HCK: variants seen among roughly 807,000 people sequenced by gnomAD.
HCK encodes the protein tyrosine-protein kinase HCK.
Under a neutral mutation model 70.4 loss-of-function variants are expected in HCK, and 40 were observed. That is an observed-to-expected ratio of 0.57 (90% CI 0.44 to 0.74). The LOEUF (loss-of-function observed/expected upper bound fraction) is 0.74, where lower values mean the gene tolerates loss of function less well. Among genes scored for constraint, HCK ranks in the 30% least tolerant of loss-of-function variants. HCK has a pLI of 0.00. For synonymous variants in HCK, 245 were observed against 263.2 expected (o/e 0.93, Z 0.67); for missense variants, 568 against 697.2 (o/e 0.81, Z 2.09).
rs560330929 is a variant in HCK, at chr20:32,052,508, C to T, written c.62+22C>T. On this transcript the variant is annotated intron_variant, in intron 1 of 12. Coordinates refer to ENST00000375852, the MANE Select transcript of HCK (RefSeq NM_002110.5). ...CCAGGTGAGTGCCGCGCACAGGGGA[C>T]CGGGAATACCCGGCCCGCGAGGGGT... The T allele has an allele frequency of 7.3e-3, 9,166 of 1,259,702 alleles. 50 individuals carry two copies. The highest frequency in any genetic ancestry group is 8.8e-3 in the Non-Finnish European group (8,742 of 993,292). The allele number at this position is 1,259,702 out of a possible 1,614,324, so 78.0% of individuals were successfully genotyped here.
intron 2 of HCK, among the ~76,000 whole-genome samples, 164 bp from the exon 3 acceptor site, chr20:32,073,155 A>G (rs1439975033): frequency 6.6e-6 from 1 of 152,200 alleles, no homozygotes; most frequent in Non-Finnish European, 1.5e-5. Flanking sequence ...TCTGCCCCTA[A>G]TGTGCCGTGT....
intron 1 of HCK, among the ~76,000 whole-genome samples, chr20:32,059,335 C>T (rs2122469115): frequency 7.0e-6 from 1 of 143,470 alleles, no homozygotes; most frequent in South Asian, 2.2e-4. Context: ...TCTTCTTTCC[C>T]TTCTTTCCTT....
chr20:32,083,815 T>C lies in HCK; in HGVS notation c.533-79T>C. ...GTCAGGACGGTGCCAGCGGTAGCCT[T>C]ACAGGGTGTCAGAGTGCTAATGCAA... is the stretch of plus-strand genomic sequence containing the variant. On this transcript the variant is annotated intron_variant, in intron 6 of 12. Coordinates refer to ENST00000375852, the MANE Select transcript of HCK (RefSeq NM_002110.5). 1.9e-6 allele frequency: 3 copies of C among 1,543,720 alleles called. No homozygotes were observed. The Admixed American group carries it at 5.0e-5, about 26-fold the overall frequency.
chr20:32,071,929 TC>T (rs2045546646), intron 2 of HCK, 147 bp downstream of exon 2: 2 of 951,782 alleles, frequency 2.1e-6, no homozygotes, highest in East Asian at 5.5e-5. Flanking sequence ...CTGACTCGAC[TC>T]TCCGGGACGC....
chr20:32,060,302 C>A (rs373891936), intron 1 of HCK, among the ~76,000 whole-genome samples: 1 of 152,172 alleles, frequency 6.6e-6, no homozygotes, highest in East Asian at 1.9e-4. Flanking sequence ...CTCACTGCAA[C>A]CTCTGCCTCT....
chr20:32,066,676 T>C (rs945569992), intron 1 of HCK, among the ~76,000 whole-genome samples: 35 of 152,206 alleles, frequency 2.3e-4, no homozygotes, highest in African/African-American at 8.4e-4. Context: ...TCAAAAAATA[T>C]TTGTTTCTGT....
chr20:32,084,837 G>C (rs1009295829), intron 8 of HCK, among the ~76,000 whole-genome samples: 1 of 152,218 alleles, frequency 6.6e-6, no homozygotes, highest in African/African-American at 2.4e-5. Context: ...CTAACAGTTT[G>C]GGATTGAGAT....
At chr20:32,078,485 T>C (rs2045660703) in intron 5 of HCK, among the ~76,000 whole-genome samples, 1 of 152,064 alleles carries the variant, frequency 6.6e-6, no homozygotes, top group South Asian at 2.1e-4. Flanking sequence ...CTGCCTAGCT[T>C]CAAATCCTGC....
intron 1 of HCK, 128 bp from the exon 2 acceptor site, chr20:32,071,534 G>C: frequency 8.7e-7 from 1 of 1,147,700 alleles, no homozygotes; most frequent in South Asian, 1.4e-5. Flanking sequence ...GAGCTGGCAG[G>C]GGAGTTAAGA....
At chr20:32,101,279 C>T (rs1323982729) in intron 12 of HCK, 38 bp from the exon 13 acceptor site, 1 of 1,598,678 alleles carries the variant, frequency 6.3e-7, no homozygotes. Context: ...TCTCATTTCC[C>T]AACTGCTTCC....
intron 11 of HCK, among the ~76,000 whole-genome samples, chr20:32,096,918 T>C (rs1194172883): frequency 2.0e-5 from 3 of 152,106 alleles, no homozygotes; most frequent in African/African-American, 7.2e-5. Context: ...TATATATATA[T>C]ATAAAGCTGC....
At chr20:32,074,795 G>A in intron 5 of HCK, 74 bp downstream of exon 5, 2 of 999,838 alleles carry the variant, frequency 2.0e-6, no homozygotes, top group South Asian at 1.3e-5. Flanking sequence ...CAGGACGTCT[G>A]CACACACTGT....
intron 2 of HCK, 121 bp downstream of exon 2, chr20:32,071,903 G>A (rs1196689519): frequency 8.0e-7 from 1 of 1,244,210 alleles, no homozygotes. Context: ...GGAGCTGACT[G>A]GCCACCAACA....
At chr20:32,067,797 G>A (rs545061413) in intron 1 of HCK, among the ~76,000 whole-genome samples, 1 of 152,106 alleles carries the variant, frequency 6.6e-6, no homozygotes, top group African/African-American at 2.4e-5. Context: ...CACAGATGGA[G>A]TCATAGCTGA....
intron 1 of HCK, chr20:32,069,862 A>G: frequency 1.3e-6 from 1 of 779,740 alleles, no homozygotes; most frequent in Non-Finnish European, 1.8e-6. Flanking sequence ...TTATTTTAAC[A>G]AGATAAGTAT....
At chr20:32,094,527 G>C (rs550438419) in intron 11 of HCK, among the ~76,000 whole-genome samples, 1 of 151,802 alleles carries the variant, frequency 6.6e-6, no homozygotes, top group South Asian at 2.1e-4. Flanking sequence ...AAAAATTTAA[G>C]AAATTAGCCA....
chr20:32,098,867 G>A, intron 11 of HCK, 137 bp from the exon 12 acceptor site: 3 of 889,182 alleles, frequency 3.4e-6, no homozygotes, highest in South Asian at 3.3e-5. Context: ...TCCACAGGGA[G>A]GCCACGTATC....
intron 1 of HCK, among the ~76,000 whole-genome samples, chr20:32,053,169 G>A (rs1181982355): frequency 3.3e-5 from 5 of 152,186 alleles, no homozygotes; most frequent in African/African-American, 1.2e-4. Flanking sequence ...ATTGGAGTAT[G>A]CGAGAGGTGG....
At chr20:32,077,753 T>C (rs979260059) in intron 5 of HCK, among the ~76,000 whole-genome samples, 3 of 152,338 alleles carry the variant, frequency 2.0e-5, no homozygotes, top group East Asian at 1.9e-4. Context: ...CTCGAACTCC[T>C]GAACTCGTGA....
Sources: gnomAD v4.1 joint callset for allele counts (sites outside exome capture counted in the v4.1 genomes callset) on GRCh38, gnomAD v4.1.1 for gene constraint, MANE v1.5 for transcripts, NCBI Gene and HGNC (gene_info 2026-07-23, HGNC 2026-07-21) for gene names.